The following ALMS1 variants were observed in gnomAD, a reference collection of about 807,000 sequenced individuals.
The protein encoded by ALMS1 is centrosome-associated protein ALMS1.
A neutral mutation model predicts 352.2 loss-of-function variants in ALMS1; 271 were observed. The observed-to-expected ratio is 0.77, with a 90% confidence interval of 0.70 to 0.85. The LOEUF is 0.85. Among genes scored for constraint, ALMS1 ranks in the 40% least tolerant of loss-of-function variants. The pLI, the probability that ALMS1 is intolerant of heterozygous loss-of-function variation, is 0.00. For missense variants in ALMS1, 5,445 were observed against 4,870.7 expected (o/e 1.12, Z -3.51); for synonymous variants, 1,865 against 1,761.2 (o/e 1.06, Z -1.48).
rs556855697 is a variant in ALMS1 at position 73,449,793 on chromosome 2, C to T, written c.3266C>T (p.Thr1089Ile). ...FPGPADQMTD[T>I]PAVPSTFYSQ... The stretch of plus-strand genomic sequence containing the variant: ...GGACCAGCTGACCAGATGACTGACA[C>T]ACCAGCAGTACCGTCTACTTTCTAC... The change falls in exon 8 of 23, where the codon ACA (threonine) becomes ATA (isoleucine). Residue 1089 changes from threonine (T) to isoleucine (I), a missense_variant. Transcript: ENST00000613296. 6.2e-7 allele frequency: 1 copy of T among 1,614,044 alleles called. No homozygotes were observed. Among genetic ancestry groups the T allele is most frequent in the Non-Finnish European group, 8.5e-7 (1 of 1,179,974 alleles).
At chr2:73,564,852 G>A (rs2104082692) in intron 15 of ALMS1, among the ~76,000 whole-genome samples, 1 of 152,310 alleles carries the variant, frequency 6.6e-6, no homozygotes, top group Non-Finnish European at 1.5e-5. Flanking sequence ...TGAGTTTGGG[G>A]AAAGAAGACA....
intron 9 of ALMS1, among the ~76,000 whole-genome samples, chr2:73,460,062 A>C (rs1343076082): frequency 3.3e-5 from 5 of 151,270 alleles, no homozygotes; most frequent in Non-Finnish European, 5.9e-5. Context: ...TTCTTTCTTT[A>C]TTTGTAACTC....
intron 9 of ALMS1, among the ~76,000 whole-genome samples, chr2:73,487,607 A>G (rs754603506): frequency 6.6e-6 from 1 of 152,076 alleles, no homozygotes; most frequent in South Asian, 2.1e-4. Context: ...GGGAGGGGGC[A>G]TGTTTCAGCC....
chr2:73,572,384 A>G lies in ALMS1; in HGVS notation c.10507A>G (p.Lys3503Glu). Residue 3503 changes from lysine to glutamate, a missense_variant, in exon 16 of 23, where the codon AAG (lysine) becomes GAG (glutamate). Coordinates refer to ENST00000613296, the MANE Select transcript of ALMS1 (RefSeq NM_001378454.1). ...DQDICHESLGKSVFMRHSWKD... is the reference protein window; with the variant it reads ...DQDICHESLGESVFMRHSWKD... ...AGATATTTGCCATGAATCTTTGGGA[A>G]AGAGTGTTTTCATGAGACATTCTTG... is the stretch of plus-strand genomic sequence containing the variant. 1 of 1,610,086 alleles carries G rather than the reference A, an allele frequency of 6.2e-7. No individual in the cohort carries two copies. Among genetic ancestry groups the G allele is most frequent in the Non-Finnish European group, 8.5e-7 (1 of 1,178,582 alleles).
Position 73,451,442 on chromosome 2 carries a change from A to G in ALMS1, c.4915A>G (p.Lys1639Glu), listed in dbSNP as rs921528683. The change falls in exon 8 of 23, where the codon AAA becomes GAA. Residue 1639 changes from lysine (K) to glutamate (E), a missense_variant. Physicochemically the swap from Lys to Glu is moderately conservative, Grantham distance 56. Transcript: ENST00000613296. ...RQALLDSPLN[K>E]EVVKVSAAPG... ...GGCTCTGCTAGACAGTCCTCTAAAT[A>G]AAGAGGTTGTGAAAGTTTCAGCTGC... is the stretch of plus-strand genomic sequence containing the variant. 3 of 1,609,478 alleles carry G rather than the reference A, an allele frequency of 1.9e-6. No individual in the cohort carries two copies. The highest frequency in any genetic ancestry group is 1.7e-4 in the Middle Eastern group (1 of 6,010).
rs374151754 is a variant in ALMS1, at chr2:73,448,549, C to T, written c.2022C>T (p.Asp674=). ...VSSTSHSHVE[D]LLFFYRQTLP... ...CTACATCCCACTCACATGTAGAGGA[C>T]CTCCTCTTTTTCTATCGACAGACCT... The change falls in exon 8 of 23, where the codon GAC becomes GAT. Residue 674 remains aspartate, a synonymous_variant. Coordinates refer to ENST00000613296, the MANE Select transcript of ALMS1 (RefSeq NM_001378454.1). 28 of 1,613,744 alleles carry T rather than the reference C, an allele frequency of 1.7e-5. No individual in the cohort carries two copies. The highest frequency in any genetic ancestry group is 3.3e-5 in the Admixed American group (2 of 59,964).
Position 73,559,050 on chromosome 2 carries a change from C to T in ALMS1, c.10292C>T (p.Ala3431Val). ...ATGAAGAACTTGCCAGACACTAAAGCCATTACACAGAAAGAGGAGATCCAT... is the reference window on the plus strand; with the variant it reads ...ATGAAGAACTTGCCAGACACTAAAGTCATTACACAGAAAGAGGAGATCCAT... ...PEMKNLPDTK[A>V]ITQKEEIHRK... The change falls in exon 15 of 23, where the codon GCC (alanine) becomes GTC (valine). Residue 3431 changes from alanine (A) to valine (V), a missense_variant. Coordinates refer to ENST00000613296, the MANE Select transcript of ALMS1 (RefSeq NM_001378454.1). 6.2e-7 allele frequency: 1 copy of T among 1,613,984 alleles called. No homozygotes were observed. The highest frequency in any genetic ancestry group is 8.5e-7 in the Non-Finnish European group (1 of 1,179,966).
At chr2:73,389,691 C>CT (rs991750512) in intron 1 of ALMS1, among the ~76,000 whole-genome samples, 3 of 151,864 alleles carry the variant, frequency 2.0e-5, no homozygotes, top group Admixed American at 1.3e-4. Context: ...AATGAACTAT[C>CT]TTTTTTTTCC....
intron 1 of ALMS1, among the ~76,000 whole-genome samples, chr2:73,402,378 A>T (rs1553398196): frequency 6.9e-6 from 1 of 144,374 alleles, no homozygotes; most frequent in Non-Finnish European, 1.5e-5. Context: ...AGTTCAAGCG[A>T]TTCTTGTGTC....
intron 18 of ALMS1, 49 bp from the exon 19 acceptor site, chr2:73,601,146 T>C: frequency 1.2e-6 from 2 of 1,612,926 alleles, no homozygotes; most frequent in Admixed American, 1.7e-5. Flanking sequence ...TGGGTGGGGC[T>C]GTAAAAAAGT....
chr2:73,430,995 C>T (rs928697109), intron 6 of ALMS1, among the ~76,000 whole-genome samples: 1 of 152,088 alleles, frequency 6.6e-6, no homozygotes, highest in Admixed American at 6.5e-5. Flanking sequence ...AAACTATGAA[C>T]TTTGTGCTAT....
chr2:73,402,493 C>T (rs1670893831), intron 1 of ALMS1, among the ~76,000 whole-genome samples: 1 of 151,908 alleles, frequency 6.6e-6, no homozygotes, highest in African/African-American at 2.4e-5. Context: ...AAGCTGGTCT[C>T]AAACTCCTAA....
At chr2:73,422,610 T>A (rs957560573) in intron 3 of ALMS1, among the ~76,000 whole-genome samples, 1 of 152,156 alleles carries the variant, frequency 6.6e-6, no homozygotes, top group Non-Finnish European at 1.5e-5. Flanking sequence ...ACCTATAAGA[T>A]ATATATAATA....
At chr2:73,517,158 A>G (rs1440323753) in intron 10 of ALMS1, among the ~76,000 whole-genome samples, 1 of 150,438 alleles carries the variant, frequency 6.6e-6, no homozygotes, top group Non-Finnish European at 1.5e-5. Flanking sequence ...TACTTTTGTG[A>G]TATATTCTAG....
chr2:73,535,195 G>A (rs1674001694), intron 12 of ALMS1, among the ~76,000 whole-genome samples: 2 of 152,072 alleles, frequency 1.3e-5, no homozygotes, highest in African/African-American at 2.4e-5. Flanking sequence ...TCCATCTAGG[G>A]CAAAGTTTCT....
At chr2:73,498,105 C>G (rs1347703675) in intron 10 of ALMS1, among the ~76,000 whole-genome samples, 1 of 151,998 alleles carries the variant, frequency 6.6e-6, no homozygotes, top group South Asian at 2.1e-4. Flanking sequence ...AAAGTACATA[C>G]CTTAATTTAA....
chr2:73,505,840 G>A (rs1158749025), intron 10 of ALMS1, among the ~76,000 whole-genome samples: 1 of 152,070 alleles, frequency 6.6e-6, no homozygotes, highest in Non-Finnish European at 1.5e-5. Flanking sequence ...CATTGCTTTT[G>A]GTGTTTTAGT....
rs746944958 is a variant in ALMS1 at position 73,385,853 on chromosome 2, A to G, written c.-16A>G. 16 of 677,030 alleles carry G rather than the reference A, an allele frequency of 2.4e-5. No homozygotes were observed. The Admixed American group carries it at 2.7e-4, about 11-fold the overall frequency. The allele number at this position is 677,030 out of a possible 1,614,324, so 41.9% of individuals were successfully genotyped here. ...CCCTCCTCCTCCTCCTCTGCCGCCC[A>G]GAGCGAGACACCAACATGGAGCCCG... On this transcript the variant is annotated 5_prime_UTR_variant, in exon 1 of 23. Transcript: ENST00000613296.
rs1673230450 is a variant in ALMS1, at chr2:73,502,058, C to A, written c.9539+10560C>A. Among the ~76,000 whole-genome samples, 3 of 152,030 alleles carry A rather than the reference C, an allele frequency of 2.0e-5. No homozygotes were observed. The South Asian group carries it at 6.2e-4, about 31-fold the overall frequency. On this transcript the variant is annotated intron_variant, in intron 10 of 22. Transcript: ENST00000613296. The stretch of plus-strand genomic sequence containing the variant: ...TTAAAATTTAAGTTTTCTCATTGTT[C>A]ATTGCTTATATATAGAAATACTGTT...
Sources: allele counts gnomAD v4.1 joint callset (sites outside exome capture counted in the v4.1 genomes callset), GRCh38; gene constraint gnomAD v4.1.1; transcripts MANE v1.5; gene names NCBI Gene and HGNC (gene_info 2026-07-23, HGNC 2026-07-21).